Variants in PDCD6IP observed in about 807,000 individuals in gnomAD.
The protein encoded by PDCD6IP is programmed cell death 6-interacting protein.
Under a neutral mutation model 103.7 loss-of-function variants are expected in PDCD6IP, and 43 were observed. The observed-to-expected ratio is 0.41, with a 90% CI of 0.32 to 0.53. The LOEUF (loss-of-function observed/expected upper bound fraction) is 0.53. PDCD6IP is among the 20% of genes least tolerant of loss of function. The pLI is 0.16. For synonymous variants in PDCD6IP, 354 were observed against 378.7 expected, an observed-to-expected ratio of 0.93 and a Z score of 0.76; for missense variants, 871 against 1,036.7, an observed-to-expected ratio of 0.84 and a Z score of 2.20.
At chr3:33,840,163 C>T (rs1048241390) in intron 9 of PDCD6IP, among the ~76,000 whole-genome samples, 12 of 152,056 alleles carry the variant, frequency 7.9e-5, no homozygotes, top group African/African-American at 2.4e-4. Flanking sequence ...TCAATTAACA[C>T]ATACTTTGTA....
At chr3:33,809,112 C>T (rs563606076) in intron 1 of PDCD6IP, among the ~76,000 whole-genome samples, 143 of 152,290 alleles carry the variant, frequency 9.4e-4, no homozygotes, top group African/African-American at 3.4e-3. Flanking sequence ...TCTTACCTCT[C>T]CTCATATATT....
chr3:33,862,242 GT>G (rs553813937), intron 15 of PDCD6IP, among the ~76,000 whole-genome samples: 106 of 141,262 alleles, frequency 7.5e-4, no homozygotes, highest in Admixed American at 2.3e-3. Flanking sequence ...AAGTAGTTTT[GT>G]TTTTTTTTTT....
chr3:33,838,286 A>G lies in PDCD6IP; in HGVS notation c.1140A>G (p.Arg380=). ...YNQRKADLVN[R]SIAQMREATT... is the part of the protein sequence containing the mutation. ...AGAGGAAAGCCGATTTGGTTAACAG[A>G]TCAATTGCTCAGATGAGAGAAGCCA... is the stretch of plus-strand genomic sequence containing the variant. Residue 380 remains arginine, a synonymous_variant, in exon 9 of 18, where the codon AGA becomes AGG. Coordinates refer to ENST00000307296, the MANE Select transcript of PDCD6IP (RefSeq NM_013374.6). 1 of 1,613,428 alleles carries G rather than the reference A, an allele frequency of 6.2e-7. No individual in the cohort carries two copies. Among genetic ancestry groups the G allele is most frequent in the Non-Finnish European group, 8.5e-7 (1 of 1,179,350 alleles).
rs199655517 is a variant in PDCD6IP at position 33,865,391 on chromosome 3, C to G, written c.2393C>G (p.Ala798Gly). ...CCTGGCTCAGCTCCTCCTCCACAGG[C>G]GCAGGGACCACCCTATCCCACCTAT... Reference protein sequence around the residue: ...QTPGSAPPPQAQGPPYPTYPG... With the variant: ...QTPGSAPPPQGQGPPYPTYPG... The change falls in exon 17 of 18, where the codon GCG (alanine) becomes GGG (glycine). Residue 798 changes from alanine (A) to glycine (G), a missense_variant. Physicochemically the swap from Ala to Gly is moderately conservative, Grantham distance 60. Around this residue, in one of 5 missense-constraint regions of PDCD6IP, gnomAD observed 202 missense variants for 205.2 expected, o/e 0.98. Transcript: ENST00000307296. 1 of 1,600,014 alleles carries G rather than the reference C, an allele frequency of 6.2e-7. No homozygotes were observed. Among genetic ancestry groups the G allele is most frequent in the Non-Finnish European group, 8.5e-7 (1 of 1,173,908 alleles).
chr3:33,838,169 A>G (rs755713476), intron 8 of PDCD6IP, 35 bp from the exon 9 acceptor site: 3 of 1,603,210 alleles, frequency 1.9e-6, no homozygotes, highest in Non-Finnish European at 8.5e-7. Context: ...GTTTTTGTCT[A>G]AAAATTTTGT....
chr3:33,859,520 G>T (rs1697904424), intron 15 of PDCD6IP, among the ~76,000 whole-genome samples: 1 of 151,878 alleles, frequency 6.6e-6, no homozygotes, highest in African/African-American at 2.4e-5. Flanking sequence ...AGAAAACTGA[G>T]GAGAAGACGC....
At chr3:33,822,150 A>G (rs1304824680) in intron 4 of PDCD6IP, 68 bp downstream of exon 4, 3 of 1,504,690 alleles carry the variant, frequency 2.0e-6, no homozygotes, top group Non-Finnish European at 2.8e-6. Flanking sequence ...AATAATTTGC[A>G]TTTAGGTTTA....
intron 7 of PDCD6IP, among the ~76,000 whole-genome samples, chr3:33,829,195 T>A (rs551506987): frequency 6.6e-6 from 1 of 152,318 alleles, no homozygotes; most frequent in East Asian, 1.9e-4. Context: ...TTTTTATCCA[T>A]GTTTATTTTA....
At chr3:33,836,731 T>C (rs1218326662) in intron 8 of PDCD6IP, among the ~76,000 whole-genome samples, 1 of 150,422 alleles carries the variant, frequency 6.6e-6, no homozygotes, top group East Asian at 1.9e-4. Context: ...TGGTGGTGCA[T>C]GCCTGTGGCT....
chr3:33,836,880 T>C (rs1456795773), intron 8 of PDCD6IP, among the ~76,000 whole-genome samples: 1 of 151,118 alleles, frequency 6.6e-6, no homozygotes, highest in Admixed American at 6.6e-5. Flanking sequence ...AATAAATAAA[T>C]AAAATAAATA....
At chr3:33,816,503 T>TA (rs57317946) in intron 3 of PDCD6IP, among the ~76,000 whole-genome samples, 5,808 of 57,394 alleles carry the variant, frequency 0.1, 565 homozygotes, top group African/African-American at 0.25. Context: ...AGATTCTGTC[T>TA]AAAAAAAAAA....
rs3203777 is a variant in PDCD6IP, at chr3:33,838,278, G to A, written c.1132G>A (p.Val378Ile). The A allele has an allele frequency of 0.41, 661,747 of 1,608,290 alleles. 144,814 individuals are homozygous for A. Among genetic ancestry groups the A allele is most frequent in the South Asian group, 0.48 (43,958 of 90,882 alleles). The change falls in exon 9 of 18, where the codon GTT becomes ATT. Residue 378 changes from valine (V) to isoleucine (I), a missense_variant. Val to Ile is a conservative substitution (Grantham distance 29). Coordinates refer to ENST00000307296, the MANE Select transcript of PDCD6IP (RefSeq NM_013374.6). ...AAYNQRKADL[V>I]NRSIAQMREA... ...CTATAATCAGAGGAAAGCCGATTTG[G>A]TTAACAGATCAATTGCTCAGATGAG...
intron 4 of PDCD6IP, among the ~76,000 whole-genome samples, chr3:33,822,295 C>T (rs1470131097): frequency 2.0e-5 from 3 of 152,156 alleles, no homozygotes; most frequent in Non-Finnish European, 2.9e-5. Context: ...TACCGAGCAC[C>T]TAGCACAGTG....
chr3:33,841,828 T>C, intron 9 of PDCD6IP, 69 bp from the exon 10 acceptor site: 1 of 1,008,088 alleles, frequency 9.9e-7, no homozygotes, highest in Non-Finnish European at 1.5e-6. Context: ...CTAAATTAAA[T>C]AAAGTAAGTA....
chr3:33,807,702 G>A (rs1326247081), intron 1 of PDCD6IP, among the ~76,000 whole-genome samples: 1 of 152,168 alleles, frequency 6.6e-6, no homozygotes. Flanking sequence ...ATGTCTCCAG[G>A]ATGGCACCTG....
intron 1 of PDCD6IP, among the ~76,000 whole-genome samples, chr3:33,804,518 T>G (rs560552390): frequency 4.6e-5 from 7 of 152,364 alleles, no homozygotes; most frequent in East Asian, 1.9e-4. Flanking sequence ...TATCTGTAAT[T>G]GGCAGACCTT....
chr3:33,812,089 G>A lies in PDCD6IP; in HGVS notation c.227G>A (p.Cys76Tyr), dbSNP rs771747639. ...TTTTTTAGATATTATGATCAGATTTGTTCTATTGAACCCAAATTCCCATTT... is the reference window on the plus strand; with the variant it reads ...TTTTTTAGATATTATGATCAGATTTATTCTATTGAACCCAAATTCCCATTT... Reference protein sequence around the residue: ...ETLLRYYDQICSIEPKFPFSE... With the variant: ...ETLLRYYDQIYSIEPKFPFSE... The change falls in exon 2 of 18, where the codon TGT (cysteine) becomes TAT (tyrosine). Residue 76 changes from cysteine to tyrosine, a missense_variant. By Grantham distance (194) the Cys-to-Tyr change is radical. Coordinates refer to ENST00000307296, the MANE Select transcript of PDCD6IP (RefSeq NM_013374.6). 1.3e-6 allele frequency: 2 copies of A among 1,596,262 alleles called. No homozygotes were observed. Among genetic ancestry groups the A allele is most frequent in the Non-Finnish European group, 1.7e-6 (2 of 1,172,226 alleles).
At chr3:33,800,415 G>A (rs1397657533) in intron 1 of PDCD6IP, among the ~76,000 whole-genome samples, 1 of 152,096 alleles carries the variant, frequency 6.6e-6, no homozygotes, top group Non-Finnish European at 1.5e-5. Flanking sequence ...TAAGTTAATT[G>A]CCCTTATCTG....
intron 8 of PDCD6IP, among the ~76,000 whole-genome samples, chr3:33,837,400 A>G (rs1222453395): frequency 6.6e-6 from 1 of 152,244 alleles, no homozygotes; most frequent in African/African-American, 2.4e-5. Context: ...ACCATGTGCC[A>G]GGCACTCTTT....
Sources: gnomAD v4.1 joint callset for allele counts (sites outside exome capture counted in the v4.1 genomes callset) on GRCh38, gnomAD v4.1.1 for gene constraint, gnomAD v4.1.1 regional missense constraint, MANE v1.5 for transcripts, NCBI Gene and HGNC (gene_info 2026-07-23, HGNC 2026-07-21) for gene names.